Variants in MCFD2 observed in about 807,000 individuals in gnomAD.
The protein encoded by MCFD2 is multiple coagulation factor deficiency 2, ER cargo receptor complex subunit, also known as multiple coagulation factor deficiency protein 2.
Under a neutral mutation model 12.8 loss-of-function variants are expected in MCFD2, and 11 were observed. That is an observed-to-expected ratio of 0.86 (90% CI 0.54 to 1.42). The LOEUF is 1.42. Among genes scored for constraint, MCFD2 ranks in the 40% most tolerant of loss-of-function variants. The pLI is 0.00. For missense variants in MCFD2, 191 were observed against 178.6 expected, an observed-to-expected ratio of 1.07 and a Z score of -0.40; for synonymous variants, 70 against 68.1, an observed-to-expected ratio of 1.03 and a Z score of -0.14.
chr2:46,939,070 G>A (rs1476095680), intron 1 of MCFD2, among the ~76,000 whole-genome samples: 1 of 150,392 alleles, frequency 6.6e-6, no homozygotes, highest in Non-Finnish European at 1.5e-5. Flanking sequence ...GAAGCTGGGA[G>A]TTTAAGACCA....
At chr2:46,936,044 T>C (rs1669960616) in intron 1 of MCFD2, among the ~76,000 whole-genome samples, 1 of 152,144 alleles carries the variant, frequency 6.6e-6, no homozygotes, top group Non-Finnish European at 1.5e-5. Context: ...TGAGCTATGA[T>C]TGCACCATAG....
At chr2:46,922,778 C>T (rs531762426) in intron 1 of MCFD2, among the ~76,000 whole-genome samples, 3 of 152,242 alleles carry the variant, frequency 2.0e-5, no homozygotes, top group East Asian at 1.9e-4. Flanking sequence ...CACATCAATT[C>T]TGCAGCAGAC....
intron 1 of MCFD2, among the ~76,000 whole-genome samples, chr2:46,928,775 A>G (rs747967396): frequency 1.3e-5 from 2 of 152,094 alleles, no homozygotes; most frequent in African/African-American, 2.4e-5. Flanking sequence ...AAAAGAAAAA[A>G]AAAAAGTCCC....
rs28516550 is a variant in MCFD2, at chr2:46,904,770, C to G, written c.*693G>C. 18,705 of 153,612 alleles carry G rather than the reference C, an allele frequency of 0.12. 1,647 individuals are homozygous for G. Among genetic ancestry groups the G allele is most frequent in the African/African-American group, 0.24 (10,099 of 41,398 alleles). 9.5% of individuals were successfully genotyped at this position (153,612 alleles called of 1,614,324 possible). On this transcript the variant is annotated 3_prime_UTR_variant, in exon 4 of 4. Transcript: ENST00000319466. The stretch of plus-strand genomic sequence containing the variant: ...TGAGACTTTGGACTGTGGATTTTTG[C>G]GTTAATGCTGAAAAGAGTTAAGACT...
chr2:46,938,210 G>A (rs1333837041), intron 1 of MCFD2, among the ~76,000 whole-genome samples: 1 of 152,102 alleles, frequency 6.6e-6, no homozygotes, highest in Non-Finnish European at 1.5e-5. Context: ...CACCAATGAA[G>A]GTGTTCAATT....
intron 1 of MCFD2, among the ~76,000 whole-genome samples, chr2:46,929,036 G>A (rs1057384959): frequency 2.6e-5 from 4 of 151,900 alleles, no homozygotes; most frequent in Non-Finnish European, 4.4e-5. Flanking sequence ...GGTGGTGGGT[G>A]CCTGTAATCT....
chr2:46,911,565 A>C (rs1486286047), intron 1 of MCFD2, among the ~76,000 whole-genome samples: 2 of 152,224 alleles, frequency 1.3e-5, no homozygotes, highest in Admixed American at 1.3e-4. Flanking sequence ...CACTTTTGTA[A>C]AATAAAAATG....
In MCFD2 at chr2:46,940,291, T is replaced by G. The variant is rs1670219504; in HGVS notation, c.-8+1281A>C. Among the ~76,000 whole-genome samples, 1 of 152,198 alleles carries G rather than the reference T, an allele frequency of 6.6e-6. No individual in the cohort carries two copies. The highest frequency in any genetic ancestry group is 2.4e-5 in the African/African-American group (1 of 41,450). ...AGTTTGCCCTGACCCTGCTGTCTTTTGAGTCTTCAGTCTGGACCATACAAT... is the reference window on the plus strand; with the variant it reads ...AGTTTGCCCTGACCCTGCTGTCTTTGGAGTCTTCAGTCTGGACCATACAAT... On this transcript the variant is annotated intron_variant, in intron 1 of 2. Transcript: ENST00000409147. The surrounding 1 kb of genome is among the most constrained non-coding windows in gnomAD (Gnocchi z 4.7).
intron 1 of MCFD2, among the ~76,000 whole-genome samples, chr2:46,933,041 G>C (rs988347615): frequency 6.6e-6 from 1 of 152,144 alleles, no homozygotes. Flanking sequence ...CACTGAAAAG[G>C]CTCTGAGCCC....
At position 46,902,420 on chromosome 2, in the gene MCFD2, C is replaced by T. The variant is rs554591887; in HGVS notation, c.*3043G>A. Reference sequence around the variant, plus strand: ...TAAAGTCCTGACATTCCTAATAGTTCCTAAACTGCAAATAAAAAACCCTAG... The same window carrying T: ...TAAAGTCCTGACATTCCTAATAGTTTCTAAACTGCAAATAAAAAACCCTAG... On this transcript the variant is annotated 3_prime_UTR_variant, in exon 4 of 4. Coordinates refer to ENST00000319466, the MANE Select transcript of MCFD2 (RefSeq NM_139279.6). 87 of 152,644 alleles carry T rather than the reference C, an allele frequency of 5.7e-4. 2 individuals are homozygous for T. Among genetic ancestry groups the T allele is most frequent in the African/African-American group, 2.0e-3 (82 of 41,538 alleles). 9.5% of individuals were successfully genotyped at this position (152,644 alleles called of 1,614,324 possible). A position where few individuals can be genotyped will look rare whatever the true frequency, so the allele number is the denominator to read the frequency against.
chr2:46,933,332 A>G (rs921345845), intron 1 of MCFD2, among the ~76,000 whole-genome samples: 3 of 152,256 alleles, frequency 2.0e-5, no homozygotes, highest in Non-Finnish European at 4.4e-5. Flanking sequence ...CAAAGCTCTC[A>G]TCTCCAAGTG....
rs539398496 is a variant in MCFD2 at position 46,922,329 on chromosome 2, T to G, written c.-7-14360A>C. On this transcript the variant is annotated intron_variant, in intron 1 of 2. Coordinates refer to the MCFD2 transcript ENST00000409147. Reference sequence around the variant, plus strand: ...TTATAATTTTTGATGACGAGTTCATTTTTAGTGGGGCTTTGTCTATGGGAG... The same window carrying G: ...TTATAATTTTTGATGACGAGTTCATGTTTAGTGGGGCTTTGTCTATGGGAG... Among the ~76,000 whole-genome samples, 140 of 152,312 alleles carry G rather than the reference T, an allele frequency of 9.2e-4. No individual in the cohort carries two copies. The Middle Eastern group carries it at 0.01, about 11-fold the overall frequency.
rs546029294 is a variant in MCFD2 at position 46,908,760 on chromosome 2, T to C, written c.149+263A>G. ...GTGTCTATTTGTATGTGTGTGTGTC[T>C]GTCTGTGGTGAAAAAAAGGAGAGAC... On this transcript the variant is annotated intron_variant, in intron 2 of 3. Transcript: ENST00000319466. This position sits in a 1 kb window ranked among gnomAD's most constrained non-coding sequence, Gnocchi z 4.5. The C allele has an allele frequency of 1.7e-4, 91 of 523,666 alleles. No individual in the cohort carries two copies. Among genetic ancestry groups the C allele is most frequent in the African/African-American group, 1.5e-3 (79 of 52,392 alleles). The allele number at this position is 523,666 out of a possible 1,614,324, so 32.4% of individuals were successfully genotyped here.
intron 1 of MCFD2, among the ~76,000 whole-genome samples, chr2:46,938,808 T>C (rs1670105769): frequency 6.6e-6 from 1 of 151,592 alleles, no homozygotes; most frequent in South Asian, 2.1e-4. Context: ...GGTCAGGAGT[T>C]TGAGACCAGC....
chr2:46,928,842 T>TA (rs200507154), intron 1 of MCFD2, among the ~76,000 whole-genome samples: 3,654 of 151,174 alleles, frequency 0.024, 57 homozygotes, highest in South Asian at 0.062. Context: ...ACCAGAGGGG[T>TA]AGGGGGGGAA....
At chr2:46,930,723 C>T (rs1669654754) in intron 1 of MCFD2, among the ~76,000 whole-genome samples, 1 of 152,126 alleles carries the variant, frequency 6.6e-6, no homozygotes, top group Non-Finnish European at 1.5e-5. Context: ...TGGTCTCGAA[C>T]TCCTGACCTC....
rs764970057 is a variant in MCFD2, at chr2:46,904,794, C to G, written c.*669G>C. The stretch of plus-strand genomic sequence containing the variant: ...GCGTTAATGCTGAAAAGAGTTAAGA[C>G]TTTGGGGGACTGTTAGGAAGGCATG... On this transcript the variant is annotated 3_prime_UTR_variant, in exon 4 of 4. Coordinates refer to ENST00000319466, the MANE Select transcript of MCFD2 (RefSeq NM_139279.6). 7 of 155,532 alleles carry G rather than the reference C, an allele frequency of 4.5e-5. No homozygotes were observed. The highest frequency in any genetic ancestry group is 7.1e-5 in the Non-Finnish European group (5 of 70,098). 9.6% of individuals were successfully genotyped at this position (155,532 alleles called of 1,614,324 possible). A position where few individuals can be genotyped will look rare whatever the true frequency, so the allele number is the denominator to read the frequency against.
Position 46,908,765 on chromosome 2 carries a change from G to T in MCFD2, c.149+258C>A, listed in dbSNP as rs78869689. The T allele has an allele frequency of 0.034, 18,305 of 531,332 alleles. 410 individuals carry two copies. The highest frequency in any genetic ancestry group is 0.046 in the Non-Finnish European group (13,365 of 293,492). The allele number at this position is 531,332 out of a possible 1,614,324, so 32.9% of individuals were successfully genotyped here. ...TATTTGTATGTGTGTGTGTCTGTCT[G>T]TGGTGAAAAAAAGGAGAGACCGGAT... is the stretch of plus-strand genomic sequence containing the variant. On this transcript the variant is annotated intron_variant, in intron 2 of 3. Coordinates refer to ENST00000319466, the MANE Select transcript of MCFD2 (RefSeq NM_139279.6). This position sits in a 1 kb window ranked among gnomAD's most constrained non-coding sequence, Gnocchi z 4.5.
In MCFD2 at chr2:46,915,786, A is replaced by G. The variant is rs1432160382; in HGVS notation, c.-70T>C. 1.9e-5 allele frequency: 18 copies of G among 943,930 alleles called. No homozygotes were observed. Among genetic ancestry groups the G allele is most frequent in the Admixed American group, 1.4e-4 (2 of 13,976 alleles). The allele number at this position is 943,930 out of a possible 1,614,324, so 58.5% of individuals were successfully genotyped here. On this transcript the variant is annotated 5_prime_UTR_variant, in exon 1 of 4. Coordinates refer to ENST00000319466, the MANE Select transcript of MCFD2 (RefSeq NM_139279.6). ...TGAGCCTCACCAGCCCCCGTCCCCA[A>G]AACGCTCTTCCTCGGCTTCGCCCCG...
Sources: allele counts gnomAD v4.1 joint callset (sites outside exome capture counted in the v4.1 genomes callset), GRCh38; gene constraint gnomAD v4.1.1; non-coding constraint Gnocchi (gnomAD v3.1); transcripts MANE v1.5; gene names NCBI Gene and HGNC (gene_info 2026-07-23, HGNC 2026-07-21).